Variants in ZNF423 observed in about 807,000 individuals in gnomAD.
The protein encoded by ZNF423 is zinc finger protein 423.
Under a neutral mutation model 95.8 loss-of-function variants are expected in ZNF423, and 12 were observed. That is an observed-to-expected ratio of 0.13 (90% CI 0.08 to 0.20). The LOEUF is 0.20. ZNF423 is among the 10% of genes least tolerant of loss of function. The probability of loss-of-function intolerance (pLI) is 1.00; values close to 1 mark genes in which losing one functional copy is unlikely to be tolerated. For synonymous variants in ZNF423, 749 were observed against 711.9 expected (o/e 1.05, Z -0.83); for missense variants, 1,316 against 1,737.1 (o/e 0.76, Z 4.31).
At chr16:49,712,816 C>T (rs2143154000) in intron 3 of ZNF423, among the ~76,000 whole-genome samples, 2 of 152,354 alleles carry the variant, frequency 1.3e-5, no homozygotes, top group African/African-American at 4.8e-5. Flanking sequence ...AAAGAGGCTC[C>T]GCGGATGCAT....
At chr16:49,851,833 A>T (rs182884503) in intron 1 of ZNF423, among the ~76,000 whole-genome samples, 13 of 152,302 alleles carry the variant, frequency 8.5e-5, no homozygotes, top group African/African-American at 3.1e-4. Context: ...GACGTAAAGG[A>T]TGTTTTCTAG....
At chr16:49,735,726 C>T (rs1375457969) in intron 2 of ZNF423, among the ~76,000 whole-genome samples, 1 of 152,150 alleles carries the variant, frequency 6.6e-6, no homozygotes, top group South Asian at 2.1e-4. Flanking sequence ...AGAGAGAGCA[C>T]ATAGGGGCTC....
intron 3 of ZNF423, among the ~76,000 whole-genome samples, chr16:49,716,467 T>C (rs12448974): frequency 1 from 152,206 of 152,272 alleles, 76,070 homozygotes; most frequent in Middle Eastern, 1. Flanking sequence ...ACATGCACCC[T>C]CATACCCATG....
chr16:49,664,222 T>A (rs1287823343), intron 3 of ZNF423: 1 of 985,240 alleles, frequency 1.0e-6, no homozygotes, highest in Non-Finnish European at 1.2e-6. Context: ...ACCGGCCCAC[T>A]GGTGATCTCA....
rs1417320433 is a variant in ZNF423 at position 49,702,907 on chromosome 16, ACG to A, written c.301+27862_301+27863del. On this transcript the variant is annotated intron_variant, in intron 3 of 7. Transcript: ENST00000563137. ...GCCAAGCCAACCTGCCTGTGTGCAC[ACG>A]CACACACACACACACACACACACAC... Among the ~76,000 whole-genome samples the A allele has an allele frequency of 2.5e-3, 265 of 105,804 alleles. 1 individual carries two copies. Among genetic ancestry groups the A allele is most frequent in the African/African-American group, 8.4e-3 (253 of 29,964 alleles). 69.4% of individuals were successfully genotyped at this position (105,804 alleles called of 152,430 possible). A position where few individuals can be genotyped will look rare whatever the true frequency, so the allele number is the denominator to read the frequency against.
chr16:49,671,706 C>A (rs994086474), intron 3 of ZNF423, among the ~76,000 whole-genome samples: 1 of 151,836 alleles, frequency 6.6e-6, no homozygotes, highest in African/African-American at 2.4e-5. Context: ...TTTTTTGAGG[C>A]GGAGTCTCAC....
At chr16:49,696,886 C>T (rs1426225046) in intron 3 of ZNF423, among the ~76,000 whole-genome samples, 1 of 152,232 alleles carries the variant, frequency 6.6e-6, no homozygotes. Flanking sequence ...AAACAGCTGC[C>T]AGCCTGCAGA....
At position 49,492,435 on chromosome 16, in the gene ZNF423, G is replaced by A. The variant is rs1215846456; in HGVS notation, c.3850-1131C>T. Among the ~76,000 whole-genome samples, 3 of 152,184 alleles carry A rather than the reference G, an allele frequency of 2.0e-5. No homozygotes were observed. The highest frequency in any genetic ancestry group is 1.3e-4 in the Admixed American group (2 of 15,288). ...TCCTGGGCTCGGGTCCGCGGCGAGG[G>A]CGACCAGGTGATGCCAGTAGCCTCG... On this transcript the variant is annotated intron_variant, in intron 7 of 7. Coordinates refer to ENST00000563137, the MANE Select transcript of ZNF423 (RefSeq NM_001379286.1). The surrounding 1 kb of genome is among the most constrained non-coding windows in gnomAD (Gnocchi z 4.2).
chr16:49,658,032 TC>T (rs1230519108), intron 3 of ZNF423, among the ~76,000 whole-genome samples: 1 of 152,228 alleles, frequency 6.6e-6, no homozygotes, highest in Non-Finnish European at 1.5e-5. Context: ...CCAAGTGTAA[TC>T]CTAAATCATG....
intron 7 of ZNF423, among the ~76,000 whole-genome samples, chr16:49,505,620 A>AT (rs1223777184): frequency 6.6e-6 from 1 of 152,182 alleles, no homozygotes; most frequent in Non-Finnish European, 1.5e-5. Context: ...CGCACCAGTG[A>AT]TCAAAACTGC....
chr16:49,741,052 A>G (rs900651588), intron 2 of ZNF423, among the ~76,000 whole-genome samples: 2 of 152,176 alleles, frequency 1.3e-5, no homozygotes, highest in Non-Finnish European at 2.9e-5. Context: ...AGTGGAGAGA[A>G]GCTCTCAACT....
At position 49,563,015 on chromosome 16, in the gene ZNF423, C is replaced by A. The variant is rs572187684; in HGVS notation, c.3602-37521G>T. On this transcript the variant is annotated intron_variant, in intron 5 of 7. Transcript: ENST00000563137. ...GGCCAGGATGGTCTTGATCTCCTGA[C>A]CTCATGATCCACCCACCTTGGCCTC... Among the ~76,000 whole-genome samples the A allele has an allele frequency of 9.8e-5, 15 of 152,294 alleles. No homozygotes were observed. The South Asian group carries it at 1.7e-3, about 17-fold the overall frequency.
intron 2 of ZNF423, among the ~76,000 whole-genome samples, chr16:49,787,304 GA>G (rs138965858): frequency 0.016 from 2,389 of 152,042 alleles, 59 homozygotes; most frequent in African/African-American, 0.055. Context: ...GAAAAAAAAA[GA>G]AAAAACACCA....
chr16:49,854,695 C>T (rs2035339231), intron 1 of ZNF423: 15 of 985,422 alleles, frequency 1.5e-5, no homozygotes, highest in Non-Finnish European at 1.8e-5. Flanking sequence ...AGGCCAGCCG[C>T]GGGGAGAGGA....
intron 5 of ZNF423, among the ~76,000 whole-genome samples, chr16:49,620,608 C>T (rs1228598366): frequency 6.6e-6 from 1 of 152,202 alleles, no homozygotes; most frequent in Non-Finnish European, 1.5e-5. Context: ...GCGTTCCTGA[C>T]AAGATTCCCT....
intron 2 of ZNF423, among the ~76,000 whole-genome samples, chr16:49,782,249 A>T (rs568841330): frequency 6.6e-6 from 1 of 152,244 alleles, no homozygotes; most frequent in African/African-American, 2.4e-5. Context: ...TGCCATCTAC[A>T]GTTGAGGCAC....
chr16:49,584,919 C>T (rs538056579), intron 5 of ZNF423, among the ~76,000 whole-genome samples: 2 of 152,300 alleles, frequency 1.3e-5, no homozygotes, highest in South Asian at 2.1e-4. Flanking sequence ...TCTGTTATTC[C>T]GGAAGGAAGG....
chr16:49,852,172 G>A (rs1424833818), intron 1 of ZNF423, among the ~76,000 whole-genome samples: 1 of 152,044 alleles, frequency 6.6e-6, no homozygotes, highest in Non-Finnish European at 1.5e-5. Context: ...GGAGCTACAC[G>A]CTGGCAGAAG....
At chr16:49,836,294 C>T (rs1237162373) in intron 1 of ZNF423, among the ~76,000 whole-genome samples, 1 of 152,136 alleles carries the variant, frequency 6.6e-6, no homozygotes, top group African/African-American at 2.4e-5. Flanking sequence ...TGGCCTGGGA[C>T]ATCCTCCACC....
Sources: gnomAD v4.1 joint callset for allele counts (sites outside exome capture counted in the v4.1 genomes callset) on GRCh38, gnomAD v4.1.1 for gene constraint, Gnocchi (gnomAD v3.1) non-coding constraint, MANE v1.5 for transcripts, NCBI Gene and HGNC (gene_info 2026-07-23, HGNC 2026-07-21) for gene names.